RNF170: variants seen among roughly 807,000 people sequenced by gnomAD.
RNF170 encodes ring finger protein 170.
A neutral mutation model predicts 32.7 loss-of-function variants in RNF170; 12 were observed. The ratio of observed to expected loss-of-function variants is 0.37; its 90% confidence interval spans 0.24 to 0.60. RNF170 has a LOEUF of 0.60. RNF170 is among the 20% of genes least tolerant of loss of function. The probability of loss-of-function intolerance (pLI) is 0.72; values close to 1 mark genes in which losing one functional copy is unlikely to be tolerated. For missense variants in RNF170, 212 were observed against 311.2 expected (o/e 0.68, Z 2.40); for synonymous variants, 91 against 103.6 (o/e 0.88, Z 0.74).
At chr8:42,868,637 G>A (rs1008397338) in intron 4 of RNF170, among the ~76,000 whole-genome samples, 4 of 151,974 alleles carry the variant, frequency 2.6e-5, no homozygotes, top group Admixed American at 1.3e-4. Flanking sequence ...GGTGGATCAC[G>A]ATGTCAGGAG....
At chr8:42,866,498 C>T (rs900246943) in intron 4 of RNF170, among the ~76,000 whole-genome samples, 5 of 151,516 alleles carry the variant, frequency 3.3e-5, no homozygotes, top group Non-Finnish European at 5.9e-5. Context: ...CAAGGAGAAT[C>T]GCTTCAATCT....
chr8:42,850,985 TCTC>T (rs1475807708), downstream of RNF170: 16 of 1,551,470 alleles, frequency 1.0e-5, 1 homozygote, highest in Admixed American at 1.4e-4. Context: ...CGGCTGCTCT[TCTC>T]TGATGAACCC....
At chr8:42,886,223 CA>C (rs938244322) in intron 2 of RNF170, among the ~76,000 whole-genome samples, 28 of 140,048 alleles carry the variant, frequency 2.0e-4, no homozygotes, top group South Asian at 6.7e-4. Flanking sequence ...GACTCGGTCT[CA>C]AAAAAAAAAA....
chr8:42,858,593 T>C (rs1210281098), intron 6 of RNF170, among the ~76,000 whole-genome samples: 2 of 152,030 alleles, frequency 1.3e-5, no homozygotes, highest in Admixed American at 6.6e-5. Context: ...ATAAACGCCA[T>C]GAAGGAAAGG....
downstream of RNF170, among the ~76,000 whole-genome samples, chr8:42,852,881 C>A (rs911129999): frequency 1.3e-5 from 2 of 152,004 alleles, no homozygotes; most frequent in East Asian, 3.8e-4. Context: ...CACCTGTAAT[C>A]CCAGCACTTT....
At chr8:42,875,624 T>G (rs1804863645) in intron 2 of RNF170, among the ~76,000 whole-genome samples, 1 of 152,262 alleles carries the variant, frequency 6.6e-6, no homozygotes, top group Non-Finnish European at 1.5e-5. Flanking sequence ...TCACCCAGGC[T>G]GGAGTGCGGT....
chr8:42,895,340 A>G (rs1429656519), intron 1 of RNF170, among the ~76,000 whole-genome samples: 1 of 152,120 alleles, frequency 6.6e-6, no homozygotes, highest in East Asian at 1.9e-4. Context: ...ACCCCACTCA[A>G]TGCTGTCTTG....
chr8:42,880,775 A>G (rs1805331497), intron 2 of RNF170, among the ~76,000 whole-genome samples: 1 of 152,120 alleles, frequency 6.6e-6, no homozygotes, highest in South Asian at 2.1e-4. Flanking sequence ...GTCTCAAAAA[A>G]AAAGAAACTG....
At chr8:42,894,835 C>T (rs970909013) in intron 1 of RNF170, among the ~76,000 whole-genome samples, 1 of 151,982 alleles carries the variant, frequency 6.6e-6, no homozygotes, top group Non-Finnish European at 1.5e-5. Flanking sequence ...ATTACAGGCG[C>T]GAGACACCGC....
chr8:42,891,028 G>A (rs1156246402), intron 1 of RNF170, among the ~76,000 whole-genome samples: 1 of 152,096 alleles, frequency 6.6e-6, no homozygotes, highest in African/African-American at 2.4e-5. Context: ...CCAAAATCAA[G>A]GACTTCTGTT....
chr8:42,895,894 G>A (rs980819151), intron 1 of RNF170, among the ~76,000 whole-genome samples: 1 of 152,202 alleles, frequency 6.6e-6, no homozygotes, highest in African/African-American at 2.4e-5. Flanking sequence ...ACAGGGCATG[G>A]GTGAGAAACT....
chr8:42,893,033 A>G lies in RNF170; in HGVS notation c.-8+3451T>C, dbSNP rs924586986. The stretch of plus-strand genomic sequence containing the variant: ...CATTACACATTGTACATATTTGTAT[A>G]AAAATACCACAGGTACCCCATAAAT... On this transcript the variant is annotated intron_variant, in intron 1 of 6. Transcript: ENST00000527424. Among the ~76,000 whole-genome samples, 3 of 152,174 alleles carry G rather than the reference A, an allele frequency of 2.0e-5. No homozygotes were observed. In the South Asian group the frequency reaches 6.2e-4, roughly 31 times the overall value.
At chr8:42,879,645 C>T (rs1421070000) in intron 2 of RNF170, among the ~76,000 whole-genome samples, 3 of 152,044 alleles carry the variant, frequency 2.0e-5, no homozygotes, top group African/African-American at 7.2e-5. Context: ...AGTGAGACTC[C>T]ATCTCAAAAG....
chr8:42,895,594 T>C (rs1457308936), intron 1 of RNF170, among the ~76,000 whole-genome samples: 1 of 152,224 alleles, frequency 6.6e-6, no homozygotes, highest in Non-Finnish European at 1.5e-5. Context: ...CTAGAATGTT[T>C]ATAGCCATGT....
intron 4 of RNF170, among the ~76,000 whole-genome samples, chr8:42,866,748 G>A (rs1169042621): frequency 1.3e-5 from 2 of 152,190 alleles, no homozygotes; most frequent in African/African-American, 2.4e-5. Context: ...CAAGCCAGCC[G>A]AAGATGGGCA....
At chr8:42,875,428 T>C (rs1804850704) in intron 2 of RNF170, among the ~76,000 whole-genome samples, 1 of 152,088 alleles carries the variant, frequency 6.6e-6, no homozygotes, top group South Asian at 2.1e-4. Flanking sequence ...TAGAAATCCA[T>C]CCTGTGATTA....
At chr8:42,891,915 G>A (rs777580606) in intron 1 of RNF170, among the ~76,000 whole-genome samples, 101 of 152,308 alleles carry the variant, frequency 6.6e-4, no homozygotes, top group Non-Finnish European at 1.0e-3. Flanking sequence ...CAGTTTCACA[G>A]TTTCAATTCT....
intron 2 of RNF170, among the ~76,000 whole-genome samples, chr8:42,887,294 AAAAT>A (rs141869391): frequency 0.14 from 21,756 of 151,898 alleles, 1,922 homozygotes; most frequent in Non-Finnish European, 0.21. Flanking sequence ...TCCGTCTCAA[AAAAT>A]AAATAAATAA....
chr8:42,850,473 T>G (rs947921484), downstream of RNF170: 1 of 370,772 alleles, frequency 2.7e-6, no homozygotes, highest in Non-Finnish European at 5.1e-6. Flanking sequence ...AAGTGATCTT[T>G]CCTTGTCTTC....
Sources: gnomAD v4.1 joint callset for allele counts (sites outside exome capture counted in the v4.1 genomes callset) on GRCh38, gnomAD v4.1.1 for gene constraint, MANE v1.5 for transcripts, NCBI Gene and HGNC (gene_info 2026-07-23, HGNC 2026-07-21) for gene names.